Variants in CCSER1 observed in about 807,000 individuals in gnomAD.
CCSER1 encodes coiled-coil serine rich protein 1, also known as serine-rich coiled-coil domain-containing protein 1.
Under a neutral mutation model 82.0 loss-of-function variants are expected in CCSER1, and 41 were observed. The observed-to-expected ratio is 0.50, with a 90% CI of 0.39 to 0.65. CCSER1 has a LOEUF of 0.65. CCSER1 is among the 30% of genes least tolerant of loss of function. The probability of loss-of-function intolerance (pLI) is 0.00; values close to 1 mark genes in which losing one functional copy is unlikely to be tolerated. For synonymous variants in CCSER1, 414 were observed against 383.9 expected (o/e 1.08, Z -0.92); for missense variants, 1,119 against 1,064.2 (o/e 1.05, Z -0.72).
intron 7 of CCSER1, among the ~76,000 whole-genome samples, chr4:90,798,409 G>A (rs918168715): frequency 6.6e-6 from 1 of 151,246 alleles, no homozygotes. Context: ...TCCTTGTACT[G>A]GATTTTAATA....
chr4:90,969,887 A>G (rs1734922629), intron 9 of CCSER1, among the ~76,000 whole-genome samples: 1 of 151,790 alleles, frequency 6.6e-6, no homozygotes, highest in Admixed American at 6.6e-5. Context: ...TGAAAGTTAT[A>G]CAATATAAAA....
intron 10 of CCSER1, among the ~76,000 whole-genome samples, chr4:91,501,932 C>T (rs923746902): frequency 6.6e-6 from 1 of 152,154 alleles, no homozygotes; most frequent in Non-Finnish European, 1.5e-5. Flanking sequence ...GACAGCATCA[C>T]TTATCATACA....
intron 10 of CCSER1, among the ~76,000 whole-genome samples, chr4:91,188,371 A>G (rs964363003): frequency 1.3e-5 from 2 of 152,286 alleles, no homozygotes; most frequent in East Asian, 1.9e-4. Context: ...GGGCAATTGT[A>G]TCCTAAATTT....
chr4:90,711,721 A>AT (rs112790209), intron 6 of CCSER1, among the ~76,000 whole-genome samples: 14,110 of 141,892 alleles, frequency 0.099, 816 homozygotes, highest in East Asian at 0.16. Flanking sequence ...GTCCTGCTGG[A>AT]TTTTTTTTTT....
chr4:91,568,343 G>A (rs1334667072), intron 10 of CCSER1, among the ~76,000 whole-genome samples: 2 of 152,006 alleles, frequency 1.3e-5, no homozygotes, highest in Non-Finnish European at 2.9e-5. Flanking sequence ...ATCTTCTTGT[G>A]TAGAATCTTG....
chr4:90,309,555 A>G lies in CCSER1; in HGVS notation c.1271A>G (p.Asp424Gly). Residue 424 changes from aspartate to glycine, a missense_variant, in exon 2 of 11, where the codon GAT becomes GGT. By Grantham distance (94) the Asp-to-Gly change is moderately conservative. Coordinates refer to ENST00000509176, the MANE Select transcript of CCSER1 (RefSeq NM_001145065.2). The part of the protein sequence containing the change: ...SDSKIIPTSG[D>G]HHIFNKTSHG... ...TCAAAGATAATACCTACTTCTGGTG[A>G]TCATCATATTTTTAACAAAACATCA... 6.2e-7 allele frequency: 1 copy of G among 1,607,130 alleles called. No individual in the cohort carries two copies. Among genetic ancestry groups the G allele is most frequent in the Non-Finnish European group, 8.5e-7 (1 of 1,177,674 alleles).
chr4:90,555,046 A>G (rs1777948958), intron 5 of CCSER1, among the ~76,000 whole-genome samples: 1 of 151,866 alleles, frequency 6.6e-6, no homozygotes, highest in Non-Finnish European at 1.5e-5. Flanking sequence ...TTAACTAATT[A>G]CCATGTTCTC....
intron 5 of CCSER1, among the ~76,000 whole-genome samples, chr4:90,474,010 G>A (rs1195720348): frequency 5.3e-5 from 8 of 152,032 alleles, no homozygotes; most frequent in Non-Finnish European, 7.4e-5. Context: ...GCGTGGTGGC[G>A]CACGCCTATA....
intron 8 of CCSER1, among the ~76,000 whole-genome samples, chr4:90,832,891 G>A (rs922023244): frequency 2.4e-4 from 36 of 152,122 alleles, no homozygotes; most frequent in African/African-American, 8.2e-4. Context: ...ATGTATAAAT[G>A]GGAAGAACCA....
intron 5 of CCSER1, among the ~76,000 whole-genome samples, chr4:90,585,037 A>G (rs545905309): frequency 6.6e-6 from 1 of 152,322 alleles, no homozygotes; most frequent in South Asian, 2.1e-4. Context: ...TTAATAAGAA[A>G]TCAAACAATT....
intron 4 of CCSER1, among the ~76,000 whole-genome samples, chr4:90,412,874 A>G (rs552020390): frequency 3.5e-4 from 54 of 152,308 alleles, no homozygotes; most frequent in Non-Finnish European, 4.7e-4. Flanking sequence ...TTTTACTACT[A>G]CTATTCAACA....
At chr4:90,847,957 T>A (rs1233694958) in intron 8 of CCSER1, among the ~76,000 whole-genome samples, 1 of 152,134 alleles carries the variant, frequency 6.6e-6, no homozygotes, top group African/African-American at 2.4e-5. Context: ...TCCTAACATA[T>A]ATATTTGTTT....
intron 5 of CCSER1, among the ~76,000 whole-genome samples, chr4:90,579,347 T>C (rs570680164): frequency 1.2e-4 from 18 of 152,180 alleles, no homozygotes; most frequent in Non-Finnish European, 2.4e-4. Context: ...CTAAGTGTTC[T>C]CTAATCTGAC....
intron 3 of CCSER1, among the ~76,000 whole-genome samples, chr4:90,366,154 C>A (rs1746244880): frequency 6.6e-6 from 1 of 151,846 alleles, no homozygotes; most frequent in Admixed American, 6.6e-5. Context: ...GCATATCTAT[C>A]ATGACATTAT....
Position 90,406,007 on chromosome 4 carries a change from T to C in CCSER1, c.1603+5878T>C, listed in dbSNP as rs542571073. ...GCATGATGAATAGAATAGTACCTCA[T>C]GTCTCAATATTAACATTGAATGTAA... On this transcript the variant is annotated intron_variant, in intron 4 of 10. Coordinates refer to ENST00000509176, the MANE Select transcript of CCSER1 (RefSeq NM_001145065.2). 2.6e-5 allele frequency among the ~76,000 whole-genome samples: 4 copies of C among 152,206 alleles called. No individual in the cohort carries two copies. The East Asian group carries it at 7.7e-4, about 29-fold the overall frequency.
chr4:91,540,779 C>T (rs1008207829), intron 10 of CCSER1, among the ~76,000 whole-genome samples: 3 of 152,096 alleles, frequency 2.0e-5, no homozygotes, highest in African/African-American at 7.2e-5. Flanking sequence ...TCCAGTTATT[C>T]CAGCACCATT....
At chr4:90,751,870 A>G (rs1203366676) in intron 7 of CCSER1, among the ~76,000 whole-genome samples, 1 of 152,140 alleles carries the variant, frequency 6.6e-6, no homozygotes, top group Non-Finnish European at 1.5e-5. Context: ...TAAAAAGTAT[A>G]GGATATAAGA....
intron 1 of CCSER1, among the ~76,000 whole-genome samples, chr4:90,228,858 A>G (rs1250359795): frequency 6.6e-6 from 1 of 152,260 alleles, no homozygotes; most frequent in Non-Finnish European, 1.5e-5. Context: ...ATCAACTGGA[A>G]GAAAGGGTAT....
intron 8 of CCSER1, among the ~76,000 whole-genome samples, chr4:90,822,377 C>T (rs1003812889): frequency 2.6e-5 from 4 of 152,136 alleles, no homozygotes; most frequent in African/African-American, 9.7e-5. Flanking sequence ...TATTTGTTTT[C>T]TAGCCGATCG....
Sources: gnomAD v4.1 joint callset for allele counts (sites outside exome capture counted in the v4.1 genomes callset) on GRCh38, gnomAD v4.1.1 for gene constraint, MANE v1.5 for transcripts, NCBI Gene and HGNC (gene_info 2026-07-23, HGNC 2026-07-21) for gene names.